Variants in BRSK2 observed in about 807,000 individuals in gnomAD.
The protein encoded by BRSK2 is serine/threonine-protein kinase BRSK2.
A neutral mutation model predicts 83.3 loss-of-function variants in BRSK2; 19 were observed. That is an observed-to-expected ratio of 0.23 (90% CI 0.16 to 0.33). BRSK2 has a LOEUF of 0.33. Among genes scored for constraint, BRSK2 ranks in the 10% least tolerant of loss-of-function variants. The pLI is 1.00. For synonymous variants in BRSK2, 519 were observed against 435.4 expected (o/e 1.19, Z -2.39); for missense variants, 798 against 1,042.3 (o/e 0.77, Z 3.23).
chr11:1,398,360 G>A (rs557434487), intron 1 of BRSK2, among the ~76,000 whole-genome samples: 1 of 152,184 alleles, frequency 6.6e-6, no homozygotes, highest in Non-Finnish European at 1.5e-5. Context: ...CTGGGCGGGG[G>A]TGACGTTGCT....
chr11:1,450,208 C>T (rs566222484), intron 13 of BRSK2, among the ~76,000 whole-genome samples: 43 of 151,956 alleles, frequency 2.8e-4, no homozygotes, highest in Non-Finnish European at 4.9e-4. Context: ...TCGCTCCCTG[C>T]GCCTCCCCGT....
At position 1,445,242 on chromosome 11, in the gene BRSK2, C is replaced by T. The variant is rs1455027894; in HGVS notation, c.813-52C>T. On this transcript the variant is annotated intron_variant, in intron 9 of 19. Transcript: ENST00000528841. ...AGGGCGGGCGTCCCACCCTCGCAGC[C>T]GCCCAGGCCCGGCCGGAGCTGATGA... is the stretch of plus-strand genomic sequence containing the variant. 13 of 1,551,492 alleles carry T rather than the reference C, an allele frequency of 8.4e-6. No homozygotes were observed. The South Asian group carries it at 8.5e-5, about 10-fold the overall frequency.
chr11:1,450,592 C>T lies in BRSK2; in HGVS notation c.1293C>T (p.Thr431=), dbSNP rs1225347103. 3 of 1,564,334 alleles carry T rather than the reference C, an allele frequency of 1.9e-6. No homozygotes were observed. The highest frequency in any genetic ancestry group is 1.4e-5 in the African/African-American group (1 of 72,712). The change falls in exon 14 of 20, where the codon ACC becomes ACT. Residue 431 remains threonine, a synonymous_variant. Coordinates refer to ENST00000528841, the MANE Select transcript of BRSK2 (RefSeq NM_001256627.2). The part of the protein sequence containing the change: ...STSPLSSPRV[T]PHPSPRGSPL... Reference sequence around the variant, plus strand: ...AATCTGTCCCCACCATACAGGTGACCCCTCACCCCTCACCAAGGGGCAGTC... The same window carrying T: ...AATCTGTCCCCACCATACAGGTGACTCCTCACCCCTCACCAAGGGGCAGTC...
chr11:1,410,890 GC>G (rs1199730209), intron 1 of BRSK2: 1 of 986,280 alleles, frequency 1.0e-6, no homozygotes, highest in Non-Finnish European at 1.2e-6. Flanking sequence ...GCCTTCGACG[GC>G]CCTTTTGTGC....
At chr11:1,400,804 T>A (rs1229874120) in intron 1 of BRSK2, among the ~76,000 whole-genome samples, 1 of 152,004 alleles carries the variant, frequency 6.6e-6, no homozygotes, top group Non-Finnish European at 1.5e-5. Context: ...CTGGGAGGGG[T>A]GCAGATGAGG....
intron 1 of BRSK2, among the ~76,000 whole-genome samples, chr11:1,402,833 G>A (rs373587903): frequency 6.6e-6 from 1 of 152,176 alleles, no homozygotes; most frequent in Admixed American, 6.5e-5. Context: ...AGGCGGGAGC[G>A]GCGCTGAGCT....
chr11:1,390,094 G>T lies in BRSK2; in HGVS notation c.-191G>T. 6.7e-6 allele frequency: 1 copy of T among 150,206 alleles called. No homozygotes were observed. Among genetic ancestry groups the T allele is most frequent in the South Asian group, 1.8e-4 (1 of 5,646 alleles). 9.3% of individuals were successfully genotyped at this position (150,206 alleles called of 1,614,324 possible). On this transcript the variant is annotated 5_prime_UTR_variant, in exon 1 of 20. Coordinates refer to ENST00000528841, the MANE Select transcript of BRSK2 (RefSeq NM_001256627.2). The surrounding 1 kb of genome is among the most constrained non-coding windows in gnomAD (Gnocchi z 6.8). ...GAGGCGTCGCCGCGGGCCAGGCCTC[G>T]GACTGCCGCGTCGGAGTGGACGCGG...
chr11:1,421,500 G>A (rs1163676628), intron 1 of BRSK2, among the ~76,000 whole-genome samples: 1 of 152,236 alleles, frequency 6.6e-6, no homozygotes, highest in Admixed American at 6.5e-5. Flanking sequence ...CGGCTGCAGT[G>A]CGTGTGAAAT....
At position 1,454,534 on chromosome 11, in the gene BRSK2, G is replaced by C; in HGVS notation, c.1594G>C (p.Glu532Gln). 1.2e-6 allele frequency: 2 copies of C among 1,613,338 alleles called. No individual in the cohort carries two copies. Among genetic ancestry groups the C allele is most frequent in the Non-Finnish European group, 1.7e-6 (2 of 1,179,964 alleles). The change falls in exon 16 of 20, where the codon GAG becomes CAG. Residue 532 changes from glutamate (E) to glutamine (Q), a missense_variant. Transcript: ENST00000528841. The surrounding 1 kb of genome is among the most constrained non-coding windows in gnomAD (Gnocchi z 5.2). ...FGNFISLEKEEQIFVVIKDKP... is the reference protein window; with the variant it reads ...FGNFISLEKEQQIFVVIKDKP... ...GAACTTCATCAGCCTGGAGAAGGAGGAGCAGATCTTCGTGGTCATCAAAGA... is the reference window on the plus strand; with the variant it reads ...GAACTTCATCAGCCTGGAGAAGGAGCAGCAGATCTTCGTGGTCATCAAAGA...
chr11:1,450,933 T>C (rs1845744118), intron 14 of BRSK2, 139 bp downstream of exon 14: 5 of 821,846 alleles, frequency 6.1e-6, no homozygotes, highest in Non-Finnish European at 9.3e-6. Flanking sequence ...CACGTCTCAC[T>C]GTCCCGAAAG....
At chr11:1,443,078 C>T (rs751691738) in intron 5 of BRSK2, 28 bp from the exon 6 acceptor site, 42 of 1,528,898 alleles carry the variant, frequency 2.7e-5, no homozygotes, top group East Asian at 2.7e-4. Context: ...CCCGGAGCCC[C>T]GCCGCTGACC....
In BRSK2 at chr11:1,438,437, CTGTCGCT is replaced by C; in HGVS notation, c.272+47_272+53del. 1.9e-6 allele frequency: 3 copies of C among 1,572,444 alleles called. No homozygotes were observed. The African/African-American group carries it at 4.0e-5, about 21-fold the overall frequency. ...AGAGCTGGGGTGGCGGAGGTGGCAGCTGTCGCTGCAGGGGTGGGTGTCTGGGGCTTGG... is the reference window on the plus strand; with the variant it reads ...AGAGCTGGGGTGGCGGAGGTGGCAGCGCAGGGGTGGGTGTCTGGGGCTTGG... On this transcript the variant is annotated intron_variant, in intron 3 of 19. Transcript: ENST00000528841. This position sits in a 1 kb window ranked among gnomAD's most constrained non-coding sequence, Gnocchi z 6.4.
At chr11:1,439,639 GCCCTGGGTGTTGTCCCACCC>G in intron 3 of BRSK2, among the ~76,000 whole-genome samples, 2 of 152,180 alleles carry the variant, frequency 1.3e-5, no homozygotes, top group East Asian at 3.9e-4. Context: ...CCGAGGTCTG[GCCCTGGGTGTTGTCCCACCC>G]CCTCTGGACA....
chr11:1,391,620 C>A (rs578014670), intron 1 of BRSK2, among the ~76,000 whole-genome samples: 3 of 152,306 alleles, frequency 2.0e-5, no homozygotes, highest in African/African-American at 7.2e-5. Context: ...AGGGCAGGAC[C>A]TGGGCAGGTG....
chr11:1,440,050 G>GC lies in BRSK2; in HGVS notation c.273-732dup, dbSNP rs530209713. ...AAGGTGCCACCCCCTTGGCTGTACA[G>GC]CCCCCCTACATCACCACAGCCACAC... On this transcript the variant is annotated intron_variant, in intron 3 of 19. Coordinates refer to ENST00000528841, the MANE Select transcript of BRSK2 (RefSeq NM_001256627.2). Among the ~76,000 whole-genome samples the GC allele has an allele frequency of 2.2e-4, 34 of 152,234 alleles. No homozygotes were observed. In the East Asian group the frequency reaches 5.2e-3, roughly 23 times the overall value.
intron 1 of BRSK2, among the ~76,000 whole-genome samples, chr11:1,425,796 C>A (rs1849146023): frequency 6.6e-6 from 1 of 152,148 alleles, no homozygotes; most frequent in Non-Finnish European, 1.5e-5. Flanking sequence ...CCGACAGGGT[C>A]CCCAGGTGGC....
chr11:1,411,710 C>T lies in BRSK2; in HGVS notation c.91+21335C>T, dbSNP rs77133243. 293 of 1,524,000 alleles carry T rather than the reference C, an allele frequency of 1.9e-4. 1 individual carries two copies. The African/African-American group carries it at 2.9e-3, about 15-fold the overall frequency. The allele number at this position is 1,524,000 out of a possible 1,614,324, so 94.4% of individuals were successfully genotyped here. ...TCATGTGTGAGGGATGCAGCCCCCACGGCAGGGACGGGGGACCTCGCCAGC... is the reference window on the plus strand; with the variant it reads ...TCATGTGTGAGGGATGCAGCCCCCATGGCAGGGACGGGGGACCTCGCCAGC... On this transcript the variant is annotated intron_variant, in intron 1 of 19. Coordinates refer to ENST00000528841, the MANE Select transcript of BRSK2 (RefSeq NM_001256627.2).
At chr11:1,437,988 C>CA (rs754931251) in intron 2 of BRSK2, among the ~76,000 whole-genome samples, 3 of 152,164 alleles carry the variant, frequency 2.0e-5, no homozygotes, top group Non-Finnish European at 4.4e-5. Context: ...CTGCCCTCTC[C>CA]ACCAGCCAGG....
rs1161409907 is a variant in BRSK2, at chr11:1,451,685, G to A, written c.1544+266G>A. On this transcript the variant is annotated intron_variant, in intron 15 of 19. Coordinates refer to ENST00000528841, the MANE Select transcript of BRSK2 (RefSeq NM_001256627.2). The stretch of plus-strand genomic sequence containing the variant: ...TAGGGTTGGCTGGAGGCGAGCAGGG[G>A]GTACACTGGGCAGAGTCTCCCCAGG... Among the ~76,000 whole-genome samples, 7 of 152,344 alleles carry A rather than the reference G, an allele frequency of 4.6e-5. No homozygotes were observed. The South Asian group carries it at 6.2e-4, about 14-fold the overall frequency.
Sources: gnomAD v4.1 joint callset for allele counts (sites outside exome capture counted in the v4.1 genomes callset) on GRCh38, gnomAD v4.1.1 for gene constraint, Gnocchi (gnomAD v3.1) non-coding constraint, MANE v1.5 for transcripts, NCBI Gene and HGNC (gene_info 2026-07-23, HGNC 2026-07-21) for gene names.